ST18: variants seen among roughly 807,000 people sequenced by gnomAD.
ST18 encodes the protein suppression of tumorigenicity 18 protein.
In ST18, 50 loss-of-function variants were observed where a neutral mutation model predicts 110.0. That is an observed-to-expected ratio of 0.45 (90% CI 0.36 to 0.58). ST18 has a LOEUF of 0.58. ST18 is among the 20% of genes least tolerant of loss of function. ST18 has a pLI of 0.00. For missense variants in ST18, 1,306 were observed against 1,280.1 expected (o/e 1.02, Z -0.31); for synonymous variants, 461 against 452.4 (o/e 1.02, Z -0.24).
chr8:52,199,920 AGCCAGAAGGAGCT>A (rs1289791293), intron 8 of ST18, among the ~76,000 whole-genome samples: 2 of 152,218 alleles, frequency 1.3e-5, no homozygotes, highest in African/African-American at 2.4e-5. Context: ...TCAAACCCCC[AGCCAGAAGGAGCT>A]GCTCATTCCA....
At chr8:52,130,148 A>AAAGAAAGAAAGAAAGAAAGG (rs2131440232) in intron 22 of ST18, among the ~76,000 whole-genome samples, 3 of 151,594 alleles carry the variant, frequency 2.0e-5, no homozygotes, top group Admixed American at 2.0e-4. Context: ...AGAAAGAAAG[A>AAAGAAAGAAAGAAAGAAAGG]AAGAAAGAAA....
At chr8:52,329,694 G>T (rs1280076901) in intron 2 of ST18, among the ~76,000 whole-genome samples, 1 of 152,136 alleles carries the variant, frequency 6.6e-6, no homozygotes, top group Non-Finnish European at 1.5e-5. Flanking sequence ...GGCAGAGGTT[G>T]CAGTGAGCCA....
intron 2 of ST18, among the ~76,000 whole-genome samples, chr8:52,250,642 C>A (rs1219576143): frequency 1.4e-5 from 2 of 148,120 alleles, no homozygotes; most frequent in African/African-American, 5.0e-5. Context: ...GTCAAAACAC[C>A]ATTCATGAAA....
At chr8:52,200,491 G>T (rs2077596085) in intron 8 of ST18, among the ~76,000 whole-genome samples, 2 of 152,174 alleles carry the variant, frequency 1.3e-5, no homozygotes, top group South Asian at 4.1e-4. Flanking sequence ...ATTCTAGTTG[G>T]GTAGGGGGCA....
chr8:52,167,590 C>T (rs188279640), intron 10 of ST18, among the ~76,000 whole-genome samples: 25 of 152,332 alleles, frequency 1.6e-4, no homozygotes, highest in African/African-American at 5.5e-4. Flanking sequence ...AACACCCCCA[C>T]GGGTTGCCAC....
intron 3 of ST18, among the ~76,000 whole-genome samples, chr8:52,222,632 C>A (rs1314974550): frequency 6.6e-6 from 1 of 152,214 alleles, no homozygotes; most frequent in Non-Finnish European, 1.5e-5. Flanking sequence ...GGCTCTCCAT[C>A]CATGTGTCTA....
At chr8:52,354,595 T>C (rs1381513950) in intron 2 of ST18, among the ~76,000 whole-genome samples, 4 of 152,058 alleles carry the variant, frequency 2.6e-5, no homozygotes, top group Non-Finnish European at 5.9e-5. Flanking sequence ...GATATAATAA[T>C]AGAAGCATGG....
chr8:52,215,567 G>A (rs538833264), intron 6 of ST18, among the ~76,000 whole-genome samples: 7 of 152,286 alleles, frequency 4.6e-5, no homozygotes, highest in East Asian at 3.9e-4. Flanking sequence ...CACACCAATC[G>A]TTGAACTGCT....
chr8:52,169,989 A>C (rs1171005037), intron 10 of ST18, among the ~76,000 whole-genome samples: 2 of 152,248 alleles, frequency 1.3e-5, no homozygotes, highest in Non-Finnish European at 2.9e-5. Context: ...AAGCTCTATA[A>C]AATTATTCTA....
intron 2 of ST18, 118 bp from the exon 3 acceptor site, chr8:52,230,195 T>A (rs142506308): frequency 6.6e-6 from 1 of 152,212 alleles, no homozygotes; most frequent in African/African-American, 2.4e-5. Context: ...GTAATTTCCA[T>A]GCTGACTATT....
chr8:52,174,773 G>A (rs1020794605), intron 9 of ST18, among the ~76,000 whole-genome samples: 30 of 152,300 alleles, frequency 2.0e-4, no homozygotes, highest in Non-Finnish European at 3.8e-4. Context: ...AGAGGTGCCT[G>A]CACAGCACAC....
chr8:52,253,978 TGAGA>T (rs10547061), intron 2 of ST18, among the ~76,000 whole-genome samples: 142,134 of 149,694 alleles, frequency 0.95, 67,687 homozygotes, highest in East Asian at 0.99. Flanking sequence ...TGTGAGAGAT[TGAGA>T]GAGAGAGAGA....
chr8:52,229,148 T>C lies in ST18; in HGVS notation c.-419+884A>G, dbSNP rs115888226. ...TCATTCAAATACAGGAATTTACTCATAGGATTCAGACTGCCAGCTGCAAAA... is the reference window on the plus strand; with the variant it reads ...TCATTCAAATACAGGAATTTACTCACAGGATTCAGACTGCCAGCTGCAAAA... On this transcript the variant is annotated intron_variant, in intron 3 of 25. Transcript: ENST00000689386. Among the ~76,000 whole-genome samples the C allele has an allele frequency of 1.8e-3, 281 of 152,310 alleles. 1 individual carries two copies. Among genetic ancestry groups the C allele is most frequent in the African/African-American group, 6.4e-3 (264 of 41,554 alleles).
At chr8:52,346,377 A>G (rs1817779408) in intron 2 of ST18, among the ~76,000 whole-genome samples, 1 of 152,086 alleles carries the variant, frequency 6.6e-6, no homozygotes, top group Non-Finnish European at 1.5e-5. Flanking sequence ...AGACCAGTCC[A>G]AAAGTTCCAA....
chr8:52,389,301 T>C (rs1245146258), intron 2 of ST18, among the ~76,000 whole-genome samples: 3 of 152,052 alleles, frequency 2.0e-5, no homozygotes, highest in Non-Finnish European at 2.9e-5. Context: ...GGGAGCCCGG[T>C]GAGGAGGCTA....
intron 2 of ST18, among the ~76,000 whole-genome samples, chr8:52,291,580 TTAAAGAAC>T (rs1230845796): frequency 1.3e-5 from 2 of 152,212 alleles, no homozygotes; most frequent in Non-Finnish European, 2.9e-5. Flanking sequence ...TTCATCCACT[TTAAAGAAC>T]TAAAACTGCT....
intron 2 of ST18, among the ~76,000 whole-genome samples, chr8:52,371,033 C>T (rs1241724310): frequency 1.3e-5 from 2 of 152,152 alleles, no homozygotes; most frequent in Non-Finnish European, 2.9e-5. Flanking sequence ...CACTTATGTG[C>T]CTGCTACTAT....
chr8:52,194,412 T>A (rs905241800), intron 8 of ST18: 2 of 152,190 alleles, frequency 1.3e-5, no homozygotes, highest in Non-Finnish European at 2.9e-5. Flanking sequence ...CCCAGTAACC[T>A]GGAAACACCT....
chr8:52,249,775 C>T (rs983026101), intron 2 of ST18, among the ~76,000 whole-genome samples: 3 of 151,950 alleles, frequency 2.0e-5, no homozygotes, highest in South Asian at 2.1e-4. Flanking sequence ...GCCCAAACAA[C>T]GATAGAGCAG....
Sources: gnomAD v4.1 joint callset for allele counts (sites outside exome capture counted in the v4.1 genomes callset) on GRCh38, gnomAD v4.1.1 for gene constraint, MANE v1.5 for transcripts, NCBI Gene and HGNC (gene_info 2026-07-23, HGNC 2026-07-21) for gene names.